APBB2: variants seen among roughly 807,000 people sequenced by gnomAD.
APBB2 encodes the protein amyloid beta precursor protein binding family B member 2, also known as Fe65-like 1.
In APBB2, 38 loss-of-function variants were observed where a neutral mutation model predicts 82.5. The ratio of observed to expected loss-of-function variants is 0.46; its 90% CI spans 0.36 to 0.60. The LOEUF (loss-of-function observed/expected upper bound fraction) is 0.60, where lower values mean the gene tolerates loss of function less well. APBB2 is among the 20% of genes least tolerant of loss of function. The pLI is 0.00. For missense variants in APBB2, 772 were observed against 972.3 expected, an observed-to-expected ratio of 0.79 and a Z score of 2.74; for synonymous variants, 341 against 368.2, an observed-to-expected ratio of 0.93 and a Z score of 0.85.
intron 10 of APBB2, among the ~76,000 whole-genome samples, chr4:40,924,793 C>T (rs1000388280): frequency 1.3e-5 from 2 of 152,232 alleles, no homozygotes; most frequent in African/African-American, 4.8e-5. Flanking sequence ...TTGTTTTAAG[C>T]TACGAAGTTT....
At chr4:41,014,766 AT>A (rs1294035227) in intron 5 of APBB2, among the ~76,000 whole-genome samples, 1 of 152,104 alleles carries the variant, frequency 6.6e-6, no homozygotes, top group East Asian at 1.9e-4. Context: ...TTCCCACTAC[AT>A]TTTTATTCTT....
At chr4:40,877,747 C>T (rs1287152176) in intron 12 of APBB2, among the ~76,000 whole-genome samples, 1 of 152,094 alleles carries the variant, frequency 6.6e-6, no homozygotes, top group Non-Finnish European at 1.5e-5. Context: ...GTGTTGCTTC[C>T]AACAAATTCA....
rs1560446815 is a variant in APBB2, at chr4:40,982,301, G to GAAA, written c.835+31281_835+31282insTTT. ...AAGAAAGAAGGAAGGAAGGAAGGAA[G>GAAA]GAAGGAAAGAAAGAAAGAAAGAAAA... On this transcript the variant is annotated intron_variant, in intron 6 of 17. Transcript: ENST00000508593. Among the ~76,000 whole-genome samples, 51 of 22,794 alleles carry GAAA rather than the reference G, an allele frequency of 2.2e-3. 2 individuals carry two copies. The highest frequency in any genetic ancestry group is 4.2e-3 in the South Asian group (3 of 720). 15.0% of individuals were successfully genotyped at this position (22,794 alleles called of 152,430 possible).
At chr4:41,020,097 C>T (rs12647602) in intron 5 of APBB2, among the ~76,000 whole-genome samples, 40,325 of 152,040 alleles carry the variant, frequency 0.27, 6,541 homozygotes, top group East Asian at 0.55. Context: ...TACCCTATTC[C>T]TTTAAAAGCC....
intron 7 of APBB2, chr4:40,935,579 T>C (rs889196157): frequency 1.3e-5 from 2 of 154,804 alleles, no homozygotes; most frequent in African/African-American, 4.8e-5. Flanking sequence ...GGAATGCCCA[T>C]GGCTGAGGGC....
At chr4:40,940,988 T>C (rs1158624812) in intron 7 of APBB2, among the ~76,000 whole-genome samples, 1 of 152,248 alleles carries the variant, frequency 6.6e-6, no homozygotes, top group Non-Finnish European at 1.5e-5. Context: ...AAAATACTGC[T>C]GGCATATGCA....
At chr4:40,920,609 T>C (rs2154367946) in intron 10 of APBB2, among the ~76,000 whole-genome samples, 1 of 152,284 alleles carries the variant, frequency 6.6e-6, no homozygotes, top group Middle Eastern at 3.4e-3. Flanking sequence ...CAGTGGCTCA[T>C]GCCTGTAATC....
chr4:41,099,451 G>A (rs530230586), intron 3 of APBB2, among the ~76,000 whole-genome samples: 65 of 152,118 alleles, frequency 4.3e-4, no homozygotes, highest in Non-Finnish European at 7.2e-4. Context: ...GGCTGGTCTC[G>A]AATTCCCAAC....
chr4:40,938,727 G>C (rs1395185504), intron 7 of APBB2, among the ~76,000 whole-genome samples: 1 of 152,208 alleles, frequency 6.6e-6, no homozygotes, highest in Non-Finnish European at 1.5e-5. Flanking sequence ...GAACTGGGTA[G>C]AGAGGAAAAG....
intron 10 of APBB2, among the ~76,000 whole-genome samples, chr4:40,914,445 C>T (rs560523903): frequency 8.6e-5 from 13 of 151,654 alleles, no homozygotes; most frequent in South Asian, 4.2e-4. Context: ...CCAGCTACTC[C>T]GGAGGCTGAG....
intron 6 of APBB2, among the ~76,000 whole-genome samples, chr4:40,997,529 A>T (rs776592577): frequency 3.3e-5 from 5 of 152,206 alleles, no homozygotes; most frequent in African/African-American, 4.8e-5. Flanking sequence ...TCTCTCTCAC[A>T]GTTATCATTC....
intron 12 of APBB2, among the ~76,000 whole-genome samples, chr4:40,836,916 T>C (rs1027129653): frequency 6.6e-6 from 1 of 152,242 alleles, no homozygotes; most frequent in African/African-American, 2.4e-5. Flanking sequence ...ACAAACTCTA[T>C]ATCCCATCAG....
At chr4:41,210,927 T>C (rs1391817443) in intron 1 of APBB2, among the ~76,000 whole-genome samples, 3 of 152,160 alleles carry the variant, frequency 2.0e-5, no homozygotes, top group East Asian at 1.9e-4. Flanking sequence ...AGATGATATA[T>C]ACAAAACCTT....
intron 10 of APBB2, among the ~76,000 whole-genome samples, chr4:40,894,751 C>T (rs1041798522): frequency 2.0e-5 from 3 of 152,126 alleles, no homozygotes; most frequent in African/African-American, 7.2e-5. Context: ...TAAAAAAGTT[C>T]TATATGCTGT....
chr4:40,888,111 G>GT (rs1770860848), intron 12 of APBB2, among the ~76,000 whole-genome samples: 1 of 152,204 alleles, frequency 6.6e-6, no homozygotes, highest in African/African-American at 2.4e-5. Flanking sequence ...ATCTGCTAGC[G>GT]TGTGTTTAAA....
chr4:40,862,912 A>C (rs1335988605), intron 12 of APBB2, among the ~76,000 whole-genome samples: 1 of 151,942 alleles, frequency 6.6e-6, no homozygotes, highest in Non-Finnish European at 1.5e-5. Flanking sequence ...AGTAGGTCTC[A>C]AACAGACTCC....
chr4:41,128,436 C>A (rs1755039445), intron 2 of APBB2, among the ~76,000 whole-genome samples: 1 of 152,108 alleles, frequency 6.6e-6, no homozygotes, highest in Non-Finnish European at 1.5e-5. Context: ...AAGTATGTGA[C>A]CAGGAATATC....
chr4:40,954,040 G>A (rs952854292), intron 6 of APBB2, among the ~76,000 whole-genome samples: 49 of 152,126 alleles, frequency 3.2e-4, no homozygotes, highest in African/African-American at 1.1e-3. Context: ...GCTCCTTCCA[G>A]CCACCTCAGG....
At chr4:40,935,241 A>C (rs1785112596) in intron 7 of APBB2, 102 bp from the exon 8 acceptor site, 1 of 846,380 alleles carries the variant, frequency 1.2e-6, no homozygotes, top group Non-Finnish European at 1.8e-6. Context: ...TAGCATTGAT[A>C]TTCACAAGAT....
Sources: allele counts gnomAD v4.1 joint callset (sites outside exome capture counted in the v4.1 genomes callset), GRCh38; gene constraint gnomAD v4.1.1; transcripts MANE v1.5; gene names NCBI Gene and HGNC (gene_info 2026-07-23, HGNC 2026-07-21).